The following CTNND2 variants were observed in gnomAD, a reference collection of about 807,000 sequenced individuals.
CTNND2 encodes catenin delta 2, also known as catenin delta-2.
In CTNND2, 22 loss-of-function variants were observed where a neutral mutation model predicts 144.4. That is an observed-to-expected ratio of 0.15 (90% confidence interval 0.11 to 0.22). The LOEUF (loss-of-function observed/expected upper bound fraction) is 0.22. CTNND2 is among the 10% of genes least tolerant of loss of function. The pLI is 1.00. For missense variants in CTNND2, 1,353 were observed against 1,618.8 expected (o/e 0.84, Z 2.82); for synonymous variants, 751 against 695.6 (o/e 1.08, Z -1.25).
intron 9 of CTNND2, among the ~76,000 whole-genome samples, chr5:11,321,172 G>A (rs1182307726): frequency 6.6e-6 from 1 of 152,166 alleles, no homozygotes. Flanking sequence ...CAGTTTAAGT[G>A]ATCGGGAAAA....
intron 3 of CTNND2, among the ~76,000 whole-genome samples, chr5:11,447,113 G>T (rs567936824): frequency 6.6e-6 from 1 of 152,228 alleles, no homozygotes; most frequent in Admixed American, 6.5e-5. Context: ...GGCGGCTAAG[G>T]CGGGCAGCTC....
chr5:11,179,026 G>A (rs1472013069), intron 11 of CTNND2, among the ~76,000 whole-genome samples: 1 of 152,184 alleles, frequency 6.6e-6, no homozygotes, highest in African/African-American at 2.4e-5. Flanking sequence ...ACAATGAGCA[G>A]ATAATTTTTC....
chr5:11,820,266 G>T (rs1032539073), intron 1 of CTNND2, among the ~76,000 whole-genome samples: 1 of 152,280 alleles, frequency 6.6e-6, no homozygotes, highest in East Asian at 1.9e-4. Flanking sequence ...CAAGTTAAAA[G>T]GTTAAGAATG....
chr5:11,259,549 C>T (rs2149951398), intron 9 of CTNND2, among the ~76,000 whole-genome samples: 1 of 152,298 alleles, frequency 6.6e-6, no homozygotes, highest in African/African-American at 2.4e-5. Context: ...TAAGCCCAGT[C>T]TACACAGAGA....
intron 12 of CTNND2, among the ~76,000 whole-genome samples, chr5:11,139,612 T>G (rs1010900687): frequency 1.3e-5 from 2 of 152,224 alleles, no homozygotes; most frequent in African/African-American, 4.8e-5. Flanking sequence ...GCTGGCCAGC[T>G]GCTCGTGCAG....
At chr5:11,205,370 TTTTTTGCTAAATTTTCA>T (rs1163329574) in intron 10 of CTNND2, among the ~76,000 whole-genome samples, 5 of 152,188 alleles carry the variant, frequency 3.3e-5, no homozygotes, top group Non-Finnish European at 2.9e-5. Flanking sequence ...ATGCGGTGAT[TTTTTTGCTAAATTTTCA>T]ATTAACTGTT....
At chr5:11,818,342 G>A (rs946807804) in intron 1 of CTNND2, among the ~76,000 whole-genome samples, 1 of 151,402 alleles carries the variant, frequency 6.6e-6, no homozygotes, top group African/African-American at 2.4e-5. Flanking sequence ...GATTTCCTTT[G>A]ACCCAAGCAG....
intron 1 of CTNND2, among the ~76,000 whole-genome samples, chr5:11,865,185 G>A (rs1400564885): frequency 1.3e-5 from 2 of 152,154 alleles, no homozygotes; most frequent in African/African-American, 2.4e-5. Context: ...ATGAGCCACC[G>A]TGCCAGCCTG....
chr5:11,831,606 G>A (rs1793904683), intron 1 of CTNND2, among the ~76,000 whole-genome samples: 1 of 151,482 alleles, frequency 6.6e-6, no homozygotes, highest in Non-Finnish European at 1.5e-5. Context: ...GGCGGAGCTT[G>A]CAGTGAGCCG....
intron 16 of CTNND2, among the ~76,000 whole-genome samples, chr5:11,034,237 T>A (rs762782147): frequency 1.3e-5 from 2 of 152,230 alleles, no homozygotes; most frequent in African/African-American, 4.8e-5. Flanking sequence ...TTTTTAATAA[T>A]ACGAATTTTT....
chr5:11,721,062 C>T (rs1272914929), intron 2 of CTNND2, among the ~76,000 whole-genome samples: 1 of 152,086 alleles, frequency 6.6e-6, no homozygotes, highest in African/African-American at 2.4e-5. Context: ...TGAACACAAC[C>T]CAAATGGCCA....
intron 12 of CTNND2, among the ~76,000 whole-genome samples, chr5:11,149,505 A>T (rs1757551430): frequency 6.6e-6 from 1 of 152,164 alleles, no homozygotes; most frequent in African/African-American, 2.4e-5. Context: ...TTCTGGTAAT[A>T]AGTTACCATA....
chr5:11,444,088 C>T (rs1451165255), intron 3 of CTNND2, among the ~76,000 whole-genome samples: 1 of 152,172 alleles, frequency 6.6e-6, no homozygotes, highest in Admixed American at 6.5e-5. Flanking sequence ...AAGTGGGCTA[C>T]CTCGGCATTG....
At chr5:11,534,135 G>T (rs574604314) in intron 3 of CTNND2, among the ~76,000 whole-genome samples, 1 of 152,106 alleles carries the variant, frequency 6.6e-6, no homozygotes, top group African/African-American at 2.4e-5. Context: ...TTTATATTTT[G>T]TAAGCCATTT....
At chr5:11,564,197 C>G (rs1429759567) in intron 3 of CTNND2, among the ~76,000 whole-genome samples, 4 of 152,172 alleles carry the variant, frequency 2.6e-5, no homozygotes, top group Non-Finnish European at 5.9e-5. Context: ...TTTGCCATAG[C>G]AGCCTTGGTT....
intron 2 of CTNND2, among the ~76,000 whole-genome samples, chr5:11,698,525 G>A (rs1785246074): frequency 6.6e-6 from 1 of 152,036 alleles, no homozygotes; most frequent in Admixed American, 6.6e-5. Context: ...CTGACCTCGT[G>A]ATCCCCCTGC....
chr5:11,875,004 C>T (rs1415768106), intron 1 of CTNND2, among the ~76,000 whole-genome samples: 4 of 152,092 alleles, frequency 2.6e-5, no homozygotes, highest in African/African-American at 9.7e-5. Flanking sequence ...ATAATCTAAT[C>T]ACAAATTGGT....
intron 6 of CTNND2, among the ~76,000 whole-genome samples, chr5:11,387,623 C>T (rs948543953): frequency 6.6e-6 from 1 of 152,148 alleles, no homozygotes; most frequent in Non-Finnish European, 1.5e-5. Flanking sequence ...TCTGAAAACC[C>T]TTCCCACAGG....
intron 16 of CTNND2, among the ~76,000 whole-genome samples, chr5:11,075,401 T>G (rs575619147): frequency 6.6e-6 from 1 of 152,310 alleles, no homozygotes; most frequent in East Asian, 1.9e-4. Flanking sequence ...AGGAAGATTC[T>G]TACACAGCCT....
Sources: allele counts gnomAD v4.1 joint callset (sites outside exome capture counted in the v4.1 genomes callset), GRCh38; gene constraint gnomAD v4.1.1; transcripts MANE v1.5; gene names NCBI Gene and HGNC (gene_info 2026-07-23, HGNC 2026-07-21).